TTLL11: variants seen among roughly 807,000 people sequenced by gnomAD.
TTLL11 encodes the protein tubulin polyglutamylase TTLL11.
Under a neutral mutation model 51.7 loss-of-function variants are expected in TTLL11, and 42 were observed. The observed-to-expected ratio is 0.81, with a 90% CI of 0.64 to 1.05. The LOEUF (loss-of-function observed/expected upper bound fraction) is 1.05. TTLL11 is among the 50% of genes least tolerant of loss of function. The probability of loss-of-function intolerance (pLI) is 0.00; values close to 1 mark genes in which losing one functional copy is unlikely to be tolerated. For synonymous variants in TTLL11, 381 were observed against 383.5 expected, an observed-to-expected ratio of 0.99 and a Z score of 0.08; for missense variants, 799 against 940.4, an observed-to-expected ratio of 0.85 and a Z score of 1.97.
At chr9:121,870,833 G>A in intron 6 of TTLL11, 85 bp from the exon 7 acceptor site, 1 of 1,382,238 alleles carries the variant, frequency 7.2e-7, no homozygotes, top group Non-Finnish European at 9.6e-7. Flanking sequence ...TCGGGAGGCA[G>A]CATTACCAGC....
At chr9:121,936,216 G>C (rs763065811) in intron 6 of TTLL11, among the ~76,000 whole-genome samples, 2 of 151,914 alleles carry the variant, frequency 1.3e-5, no homozygotes, top group Non-Finnish European at 2.9e-5. Context: ...AATCATTAAA[G>C]GCTGACAAGA....
At chr9:121,886,530 G>T (rs1839016462) in intron 6 of TTLL11, among the ~76,000 whole-genome samples, 3 of 152,186 alleles carry the variant, frequency 2.0e-5, no homozygotes, top group African/African-American at 7.2e-5. Context: ...AGGCAAGGAA[G>T]GATTCTCCTC....
At chr9:121,962,675 C>T (rs1842270358) in intron 6 of TTLL11, among the ~76,000 whole-genome samples, 1 of 152,240 alleles carries the variant, frequency 6.6e-6, no homozygotes, top group South Asian at 2.1e-4. Flanking sequence ...GAACACATAA[C>T]TGCAAATGGG....
At chr9:122,066,095 G>T (rs1168454917) in intron 1 of TTLL11, among the ~76,000 whole-genome samples, 1 of 152,084 alleles carries the variant, frequency 6.6e-6, no homozygotes, top group Non-Finnish European at 1.5e-5. Flanking sequence ...AGATTTCCTG[G>T]AAGCTGTAAG....
In TTLL11 at chr9:121,881,579, G is replaced by A. The variant is rs142000256; in HGVS notation, c.1482-10831C>T. Among the ~76,000 whole-genome samples, 65 of 152,292 alleles carry A rather than the reference G, an allele frequency of 4.3e-4. No individual in the cohort carries two copies. In the East Asian group the frequency reaches 0.012, roughly 27 times the overall value. ...TGCGCTGGCACATCGGTCAATTCCCGCGGTACAGGTGTTGAACACAAAACC... is the reference window on the plus strand; with the variant it reads ...TGCGCTGGCACATCGGTCAATTCCCACGGTACAGGTGTTGAACACAAAACC... On this transcript the variant is annotated intron_variant, in intron 6 of 8. Coordinates refer to ENST00000321582, the MANE Select transcript of TTLL11 (RefSeq NM_001139442.2).
intron 8 of TTLL11, among the ~76,000 whole-genome samples, chr9:121,855,289 C>T (rs1281409905): frequency 1.3e-5 from 2 of 152,162 alleles, no homozygotes; most frequent in African/African-American, 2.4e-5. Flanking sequence ...ATTCTATGCA[C>T]CTGAGGTCTA....
Position 121,866,881 on chromosome 9 carries a change from T to C in TTLL11, c.1733+3616A>G, listed in dbSNP as rs193188091. On this transcript the variant is annotated intron_variant, in intron 7 of 8. Transcript: ENST00000321582. The stretch of plus-strand genomic sequence containing the variant: ...ACGGTCACCATGGCTCCCTAATGAG[T>C]TTGGCCACTGATTGGGAATGATGGC... Among the ~76,000 whole-genome samples the C allele has an allele frequency of 3.5e-4, 53 of 152,112 alleles. No individual in the cohort carries two copies. The East Asian group carries it at 9.9e-3, about 28-fold the overall frequency.
At chr9:121,840,500 A>T (rs7043521) in intron 8 of TTLL11, among the ~76,000 whole-genome samples, 77,695 of 152,078 alleles carry the variant, frequency 0.51, 21,002 homozygotes, top group East Asian at 0.74. Context: ...GGTTCAAGCG[A>T]TTCTCCTGCC....
intron 6 of TTLL11, among the ~76,000 whole-genome samples, chr9:121,886,172 C>A: frequency 6.6e-6 from 1 of 152,290 alleles, no homozygotes; most frequent in Non-Finnish European, 1.5e-5. Context: ...GCCTGGGTTC[C>A]GTGCCCTATG....
chr9:121,905,203 AC>A (rs1839900878), intron 6 of TTLL11, among the ~76,000 whole-genome samples: 2 of 152,224 alleles, frequency 1.3e-5, no homozygotes, highest in Non-Finnish European at 2.9e-5. Context: ...AGGCAAGAGA[AC>A]AAAACTCTCA....
At chr9:122,062,700 C>A (rs932529369) in intron 1 of TTLL11, among the ~76,000 whole-genome samples, 3 of 151,554 alleles carry the variant, frequency 2.0e-5, no homozygotes, top group African/African-American at 7.3e-5. Context: ...AACTCCTGAC[C>A]ACAGGTGATC....
chr9:122,046,916 A>C lies in TTLL11; in HGVS notation c.463-7548T>G, dbSNP rs113995386. ...TTCAGGTACTCATTAGGTGTTGATT[A>C]AGTACCTCCTACGCGCCAAAGGGTC... On this transcript the variant is annotated intron_variant, in intron 1 of 8. Transcript: ENST00000321582. 5.4e-3 allele frequency among the ~76,000 whole-genome samples: 821 copies of C among 152,346 alleles called. 7 individuals are homozygous for C. Among genetic ancestry groups the C allele is most frequent in the African/African-American group, 0.019 (795 of 41,586 alleles).
intron 7 of TTLL11, among the ~76,000 whole-genome samples, chr9:121,863,743 T>A (rs1401720661): frequency 6.6e-6 from 1 of 152,226 alleles, no homozygotes; most frequent in Non-Finnish European, 1.5e-5. Context: ...GCTCATCAGC[T>A]CTCTGGATTT....
chr9:122,031,656 A>C, intron 3 of TTLL11, 67 bp downstream of exon 3: 2 of 1,562,732 alleles, frequency 1.3e-6, no homozygotes, highest in Non-Finnish European at 1.7e-6. Flanking sequence ...CTCCCAGCAC[A>C]CAGGACCCAG....
chr9:122,044,472 C>G (rs1358024399), intron 1 of TTLL11, among the ~76,000 whole-genome samples: 1 of 152,186 alleles, frequency 6.6e-6, no homozygotes, highest in East Asian at 1.9e-4. Context: ...TACAGTCCCA[C>G]CAACAGTATA....
chr9:122,020,889 GA>G (rs35976941), intron 3 of TTLL11, among the ~76,000 whole-genome samples: 8 of 152,078 alleles, frequency 5.3e-5, no homozygotes, highest in African/African-American at 9.6e-5. Flanking sequence ...GAAACTGTGA[GA>G]AAAAAAAGTT....
intron 1 of TTLL11, among the ~76,000 whole-genome samples, chr9:122,081,234 C>A (rs568715729): frequency 2.0e-5 from 3 of 152,200 alleles, no homozygotes; most frequent in Non-Finnish European, 2.9e-5. Context: ...AGGAGCAATA[C>A]GGTCCACTAG....
chr9:121,903,719 A>G (rs558932598), intron 6 of TTLL11, among the ~76,000 whole-genome samples: 1 of 152,326 alleles, frequency 6.6e-6, no homozygotes, highest in Admixed American at 6.5e-5. Flanking sequence ...ACACACACAG[A>G]TATCCCATAG....
At chr9:121,924,130 T>TGTCTTTATCAGCA (rs1277634378) in intron 6 of TTLL11, among the ~76,000 whole-genome samples, 24 of 152,224 alleles carry the variant, frequency 1.6e-4, no homozygotes, top group Admixed American at 5.2e-4. Flanking sequence ...GTCTCAGGTA[T>TGTCTTTATCAGCA]GTCTTTATCA....
Sources: gnomAD v4.1 joint callset for allele counts (sites outside exome capture counted in the v4.1 genomes callset) on GRCh38, gnomAD v4.1.1 for gene constraint, MANE v1.5 for transcripts, NCBI Gene and HGNC (gene_info 2026-07-23, HGNC 2026-07-21) for gene names.